The following ZNF385D variants were observed in gnomAD, a reference collection of about 807,000 sequenced individuals.
ZNF385D encodes the protein zinc finger protein 659.
A neutral mutation model predicts 35.8 loss-of-function variants in ZNF385D; 15 were observed. The ratio of observed to expected loss-of-function variants is 0.42; its 90% CI spans 0.28 to 0.64. The LOEUF is 0.64. Among genes scored for constraint, ZNF385D ranks in the 30% least tolerant of loss-of-function variants. ZNF385D has a pLI of 0.23. For missense variants in ZNF385D, 474 were observed against 494.6 expected (o/e 0.96, Z 0.39); for synonymous variants, 212 against 186.8 (o/e 1.13, Z -1.10).
At chr3:21,791,851 C>G (rs1332413660) in intron 3 of ZNF385D, among the ~76,000 whole-genome samples, 1 of 152,114 alleles carries the variant, frequency 6.6e-6, no homozygotes, top group Non-Finnish European at 1.5e-5. Context: ...TCTCCTGCCT[C>G]AGCCTCCCGA....
At chr3:21,817,189 T>C (rs1255635793) in intron 3 of ZNF385D, among the ~76,000 whole-genome samples, 1 of 152,178 alleles carries the variant, frequency 6.6e-6, no homozygotes, top group Non-Finnish European at 1.5e-5. Context: ...TAATTCAAGA[T>C]GGATTAAAGA....
At chr3:21,933,630 G>T (rs1701120437) in intron 3 of ZNF385D, among the ~76,000 whole-genome samples, 2 of 152,236 alleles carry the variant, frequency 1.3e-5, no homozygotes, top group South Asian at 2.1e-4. Flanking sequence ...TTTGAGAAAA[G>T]AATGAGAATC....
intron 2 of ZNF385D, among the ~76,000 whole-genome samples, chr3:22,297,936 A>C (rs1702680469): frequency 6.6e-6 from 1 of 152,098 alleles, no homozygotes; most frequent in Admixed American, 6.6e-5. Context: ...CTGCATCTAT[A>C]AATATGTTTC....
intron 2 of ZNF385D, among the ~76,000 whole-genome samples, chr3:22,185,175 A>G (rs959129533): frequency 6.6e-6 from 1 of 151,278 alleles, no homozygotes; most frequent in African/African-American, 2.4e-5. Flanking sequence ...GGTTGTAGAA[A>G]CTTTAAAATT....
chr3:22,246,674 A>G (rs1056410522), intron 2 of ZNF385D, among the ~76,000 whole-genome samples: 1 of 152,156 alleles, frequency 6.6e-6, no homozygotes, highest in Non-Finnish European at 1.5e-5. Flanking sequence ...TGTTTTTCTA[A>G]TCTATGATCA....
At chr3:22,205,875 A>G (rs1024295611) in intron 2 of ZNF385D, among the ~76,000 whole-genome samples, 2 of 152,032 alleles carry the variant, frequency 1.3e-5, no homozygotes, top group Admixed American at 1.3e-4. Flanking sequence ...CAGAAAATAA[A>G]TAGCCAAATG....
At chr3:21,892,436 C>T (rs1698916742) in intron 3 of ZNF385D, among the ~76,000 whole-genome samples, 1 of 152,148 alleles carries the variant, frequency 6.6e-6, no homozygotes, top group Admixed American at 6.5e-5. Flanking sequence ...TGCTCTTACC[C>T]TTAACTCAAT....
intron 3 of ZNF385D, among the ~76,000 whole-genome samples, chr3:21,811,874 T>G (rs371033575): frequency 3.9e-5 from 6 of 152,312 alleles, no homozygotes; most frequent in African/African-American, 1.4e-4. Flanking sequence ...AATTGCATAA[T>G]GAATAGATTA....
intron 2 of ZNF385D, among the ~76,000 whole-genome samples, chr3:22,278,906 A>G (rs1196872852): frequency 5.3e-5 from 8 of 151,994 alleles, no homozygotes; most frequent in African/African-American, 1.7e-4. Flanking sequence ...TGCTACCTGC[A>G]GTTTTCTCCT....
At chr3:21,718,112 T>C (rs73046248) in intron 1 of ZNF385D, among the ~76,000 whole-genome samples, 5,478 of 152,262 alleles carry the variant, frequency 0.036, 178 homozygotes, top group South Asian at 0.13. Context: ...CTAGGCTAAA[T>C]AAAAAGTGAA....
At chr3:21,457,876 A>G (rs913005150) in intron 4 of ZNF385D, among the ~76,000 whole-genome samples, 5 of 152,214 alleles carry the variant, frequency 3.3e-5, no homozygotes, top group African/African-American at 2.4e-5. Context: ...ATTAGCTAAG[A>G]TAATTGTGGA....
At position 21,538,909 on chromosome 3, in the gene ZNF385D, G is replaced by A. The variant is rs151225070; in HGVS notation, c.276+25665C>T. The stretch of plus-strand genomic sequence containing the variant: ...ATACAAATATTGCCACTTATGTTGG[G>A]GTGATTCAAAGTCAAGCATTAGCTC... On this transcript the variant is annotated intron_variant, in intron 3 of 7. Transcript: ENST00000281523. 4.3e-3 allele frequency among the ~76,000 whole-genome samples: 659 copies of A among 152,018 alleles called. 3 individuals are homozygous for A. Among genetic ancestry groups the A allele is most frequent in the Non-Finnish European group, 7.1e-3 (485 of 67,994 alleles).
intron 3 of ZNF385D, among the ~76,000 whole-genome samples, chr3:22,030,745 A>T (rs1046897378): frequency 1.3e-5 from 2 of 152,150 alleles, no homozygotes; most frequent in Non-Finnish European, 2.9e-5. Context: ...AAAACCAGTT[A>T]TGCCTTCCCA....
At chr3:21,638,744 T>G (rs1396508364) in intron 2 of ZNF385D, among the ~76,000 whole-genome samples, 1 of 152,124 alleles carries the variant, frequency 6.6e-6, no homozygotes, top group Non-Finnish European at 1.5e-5. Context: ...AGAAAGCTAC[T>G]TTAGTTATGC....
At chr3:21,924,870 T>C (rs1262292295) in intron 3 of ZNF385D, among the ~76,000 whole-genome samples, 1 of 152,106 alleles carries the variant, frequency 6.6e-6, no homozygotes, top group Non-Finnish European at 1.5e-5. Flanking sequence ...AACCTGGACT[T>C]CTACCCTACC....
At chr3:21,914,868 A>C (rs993420137) in intron 3 of ZNF385D, among the ~76,000 whole-genome samples, 52 of 152,030 alleles carry the variant, frequency 3.4e-4, no homozygotes, top group African/African-American at 1.1e-3. Flanking sequence ...GTGGTAAATT[A>C]CTTTGATGTT....
At position 22,022,216 on chromosome 3, in the gene ZNF385D, T is replaced by C. The variant is rs183971453; in HGVS notation, c.325+146601A>G. 3.3e-5 allele frequency among the ~76,000 whole-genome samples: 5 copies of C among 152,280 alleles called. 1 individual carries two copies. The highest frequency in any genetic ancestry group is 7.4e-5 in the Non-Finnish European group (5 of 67,990). On this transcript the variant is annotated intron_variant, in intron 3 of 5. Transcript: ENST00000494108. ...TAAATGAGACAACTTATACAAAGTA[T>C]ATAAAATTAAGTTAACTGGCACATG...
At chr3:21,915,790 C>G (rs916586047) in intron 3 of ZNF385D, among the ~76,000 whole-genome samples, 2 of 152,140 alleles carry the variant, frequency 1.3e-5, no homozygotes, top group African/African-American at 2.4e-5. Flanking sequence ...AAAGACACCT[C>G]ATACCTTTGA....
At chr3:22,132,734 T>C (rs569107644) in intron 3 of ZNF385D, among the ~76,000 whole-genome samples, 12 of 152,246 alleles carry the variant, frequency 7.9e-5, no homozygotes, top group Middle Eastern at 3.4e-3. Context: ...GATAGTAATA[T>C]TATAAATACT....
Sources: gnomAD v4.1 joint callset for allele counts (sites outside exome capture counted in the v4.1 genomes callset) on GRCh38, gnomAD v4.1.1 for gene constraint, MANE v1.5 for transcripts, NCBI Gene and HGNC (gene_info 2026-07-23, HGNC 2026-07-21) for gene names.